HK1: variants seen among roughly 807,000 people sequenced by gnomAD.
HK1 encodes hexokinase 1.
HK1 carries 28 observed loss-of-function variants against 91.6 expected under a neutral mutation model. That is an observed-to-expected ratio of 0.31 (90% CI 0.23 to 0.42). The LOEUF is 0.42. Among genes scored for constraint, HK1 ranks in the 10% least tolerant of loss-of-function variants. The probability of loss-of-function intolerance (pLI) is 1.00; values close to 1 mark genes in which losing one functional copy is unlikely to be tolerated. For synonymous variants in HK1, 430 were observed against 468.1 expected (o/e 0.92, Z 1.05); for missense variants, 770 against 1,219.8 (o/e 0.63, Z 5.49).
In HK1 at chr10:69,359,966, A is replaced by G. The variant is rs201072105; in HGVS notation, c.296A>G (p.His99Arg). ...CGAATTCTGCGGGTGCAAGTGAATCATGAGAAAAACCAGAATGTTCACATG... is the reference window on the plus strand; with the variant it reads ...CGAATTCTGCGGGTGCAAGTGAATCGTGAGAAAAACCAGAATGTTCACATG... ...SFRILRVQVNHEKNQNVHMES... is the reference protein window; with the variant it reads ...SFRILRVQVNREKNQNVHMES... The change falls in exon 3 of 18, where the codon CAT becomes CGT. Residue 99 changes from histidine to arginine, a missense_variant. Coordinates refer to ENST00000359426, the MANE Select transcript of HK1 (RefSeq NM_000188.3). The G allele has an allele frequency of 1.2e-5, 20 of 1,614,116 alleles. No homozygotes were observed. Among genetic ancestry groups the G allele is most frequent in the Admixed American group, 6.7e-5 (4 of 60,022 alleles).
chr10:69,369,659 T>A lies in HK1; in HGVS notation c.875+35T>A. The A allele has an allele frequency of 6.3e-7, 1 of 1,575,480 alleles. No individual in the cohort carries two copies. The highest frequency in any genetic ancestry group is 8.7e-7 in the Non-Finnish European group (1 of 1,149,242). The stretch of plus-strand genomic sequence containing the variant: ...TGACTTTTGCTTCTAACCACATATG[T>A]GAGTTAGGGGACATTTGATGAAAGA... On this transcript the variant is annotated intron_variant, in intron 7 of 17. Transcript: ENST00000359426. The surrounding 1 kb of genome is among the most constrained non-coding windows in gnomAD (Gnocchi z 4.4).
chr10:69,307,736 G>A (rs1307002069), intron 5 of HK1, among the ~76,000 whole-genome samples: 3 of 152,084 alleles, frequency 2.0e-5, no homozygotes, highest in African/African-American at 7.2e-5. Flanking sequence ...TTAGAACAAT[G>A]GTGTATAGTA....
At chr10:69,384,715 G>C (rs1015472772) in intron 11 of HK1, 81 bp from the exon 12 acceptor site, 3 of 1,573,462 alleles carry the variant, frequency 1.9e-6, no homozygotes, top group Non-Finnish European at 2.6e-6. Flanking sequence ...ACGTGTGTGT[G>C]TGTATACACA....
At chr10:69,270,080 A>T (rs1844077791) in exon 1 of HK1, 11 of 152,268 alleles carry the variant, frequency 7.2e-5, no homozygotes, top group Admixed American at 7.2e-4. Context: ...TCAAAGTTTA[A>T]TAGGCAAGAC....
intron 2 of HK1, among the ~76,000 whole-genome samples, chr10:69,345,119 A>G (rs759410712): frequency 2.6e-5 from 4 of 152,116 alleles, no homozygotes; most frequent in Non-Finnish European, 5.9e-5. Context: ...TGCAGCAGGA[A>G]AAGACCTCTG....
chr10:69,378,148 G>A (rs950020980), intron 8 of HK1, among the ~76,000 whole-genome samples: 2 of 152,216 alleles, frequency 1.3e-5, no homozygotes, highest in Non-Finnish European at 2.9e-5. Context: ...GGCTGGGAAG[G>A]AAGGGGAGCG....
intron 4 of HK1, 128 bp downstream of exon 4, chr10:69,365,030 C>T (rs1204152554): frequency 1.9e-6 from 2 of 1,051,186 alleles, no homozygotes; most frequent in African/African-American, 1.6e-5. Context: ...TTTAAAGAAA[C>T]ATTTGCAGAA....
intron 4 of HK1, among the ~76,000 whole-genome samples, chr10:69,297,056 C>T (rs1405764511): frequency 1.3e-5 from 2 of 152,152 alleles, no homozygotes; most frequent in Non-Finnish European, 2.9e-5. Flanking sequence ...CCACATCATG[C>T]AGTAGAAAAT....
intron 12 of HK1, 98 bp from the exon 13 acceptor site, chr10:69,386,225 C>G: frequency 1.1e-6 from 1 of 881,888 alleles, no homozygotes; most frequent in Non-Finnish European, 1.9e-6. Context: ...TGTTGTAAGC[C>G]CTCAGCAGTT....
At chr10:69,320,568 G>A (rs116477543) in intron 1 of HK1, among the ~76,000 whole-genome samples, 22 of 152,148 alleles carry the variant, frequency 1.4e-4, no homozygotes, top group African/African-American at 5.3e-4. Flanking sequence ...CTTCCCATTG[G>A]ACCAGGGAGA....
Position 69,401,129 on chromosome 10 carries a change from C to T in HK1, c.2748C>T (p.Ser916=). 3.7e-6 allele frequency: 6 copies of T among 1,613,680 alleles called. No homozygotes were observed. The highest frequency in any genetic ancestry group is 5.1e-6 in the Non-Finnish European group (6 of 1,179,960). ...AVGVRLRTEA[S]S ...GCGTGCGGTTACGCACAGAGGCAAG[C>T]AGCTAAGAGTCCGGGATCCCCAGCC... is the stretch of plus-strand genomic sequence containing the variant. The change falls in exon 18 of 18, where the codon AGC becomes AGT. Residue 916 remains serine (S), a synonymous_variant. Coordinates refer to ENST00000359426, the MANE Select transcript of HK1 (RefSeq NM_000188.3).
At chr10:69,297,774 T>A (rs1845639409) in intron 4 of HK1, among the ~76,000 whole-genome samples, 1 of 150,602 alleles carries the variant, frequency 6.6e-6, no homozygotes, top group Non-Finnish European at 1.5e-5. Context: ...TGTGCATCTG[T>A]AATCCCAACT....
chr10:69,353,451 G>A (rs888175700), intron 2 of HK1, among the ~76,000 whole-genome samples: 4 of 152,068 alleles, frequency 2.6e-5, no homozygotes, highest in Non-Finnish European at 5.9e-5. Flanking sequence ...AAGTTAGCCA[G>A]ATGTGGTGGC....
At chr10:69,294,455 C>T (rs537163241) in intron 3 of HK1, among the ~76,000 whole-genome samples, 15 of 152,362 alleles carry the variant, frequency 9.8e-5, no homozygotes, top group Admixed American at 3.9e-4. Context: ...GGGGCAGTGG[C>T]TCACATCTGT....
intron 7 of HK1, among the ~76,000 whole-genome samples, chr10:69,370,401 C>T (rs933795779): frequency 6.6e-6 from 1 of 152,050 alleles, no homozygotes. Context: ...AAAATGCTTC[C>T]CCAACAAAGC....
At chr10:69,318,786 C>T (rs910373302), upstream of HK1, 10 of 1,348,934 alleles carry the variant, frequency 7.4e-6, no homozygotes, top group African/African-American at 1.4e-4. Context: ...GCGCGGAGAC[C>T]GGGAGCGCGC....
intron 1 of HK1, among the ~76,000 whole-genome samples, chr10:69,277,225 T>C (rs1011223602): frequency 1.8e-4 from 28 of 152,178 alleles, no homozygotes; most frequent in Non-Finnish European, 1.0e-4. Context: ...GCCAATCTGG[T>C]TCTTGTTTCT....
At chr10:69,384,219 CTCCT>C in intron 10 of HK1, 110 bp from the exon 11 acceptor site, 1 of 1,266,092 alleles carries the variant, frequency 7.9e-7, no homozygotes, top group Admixed American at 1.7e-5. Context: ...GTTGCAGCTT[CTCCT>C]CTATGTTTGC....
chr10:69,373,158 C>T (rs1461291103), intron 7 of HK1, among the ~76,000 whole-genome samples: 3 of 152,210 alleles, frequency 2.0e-5, no homozygotes, highest in East Asian at 1.9e-4. Flanking sequence ...CGTGAGCCCC[C>T]GTGCCCAGCC....
Sources: allele counts gnomAD v4.1 joint callset (sites outside exome capture counted in the v4.1 genomes callset), GRCh38; gene constraint gnomAD v4.1.1; non-coding constraint Gnocchi (gnomAD v3.1); transcripts MANE v1.5; gene names NCBI Gene and HGNC (gene_info 2026-07-23, HGNC 2026-07-21).